The following DDHD1 variants were observed in gnomAD, a reference collection of about 807,000 sequenced individuals.
DDHD1 encodes phospholipase DDHD1.
DDHD1 carries 49 observed loss-of-function variants against 96.4 expected under a neutral mutation model. That is an observed-to-expected ratio of 0.51 (90% CI 0.40 to 0.64). DDHD1 has a LOEUF of 0.64. Ranked by LOEUF, DDHD1 falls within the 30% of genes least tolerant of loss-of-function variation. The pLI, the probability that DDHD1 is intolerant of heterozygous loss-of-function variation, is 0.00. For synonymous variants in DDHD1, 442 were observed against 446.5 expected, an observed-to-expected ratio of 0.99 and a Z score of 0.13; for missense variants, 1,106 against 1,161.2, an observed-to-expected ratio of 0.95 and a Z score of 0.69.
At chr14:53,112,724 G>A (rs934996958) in intron 1 of DDHD1, among the ~76,000 whole-genome samples, 1 of 152,142 alleles carries the variant, frequency 6.6e-6, no homozygotes, top group Admixed American at 6.5e-5. Context: ...ATGTGGAATA[G>A]TCTTTACAGC....
chr14:53,140,362 C>G (rs562905408), intron 1 of DDHD1, among the ~76,000 whole-genome samples: 1 of 152,058 alleles, frequency 6.6e-6, no homozygotes. Flanking sequence ...GGTGGAACCC[C>G]GTCTCTACTA....
Position 53,045,364 on chromosome 14 carries a change from G to T in DDHD1, c.*1404C>A, listed in dbSNP as rs921571402. On this transcript the variant is annotated 3_prime_UTR_variant, in exon 13 of 13. Transcript: ENST00000673822. Reference sequence around the variant, plus strand: ...AGCCTCTTGAGTAGCTGGGACTACAGGTGTACACCACTACAAGTGGCTAAT... The same window carrying T: ...AGCCTCTTGAGTAGCTGGGACTACATGTGTACACCACTACAAGTGGCTAAT... 1 of 152,284 alleles carries T rather than the reference G, an allele frequency of 6.6e-6. No homozygotes were observed. The highest frequency in any genetic ancestry group is 2.4e-5 in the African/African-American group (1 of 41,404). The allele number at this position is 152,284 out of a possible 1,614,324, so 9.4% of individuals were successfully genotyped here. A position where few individuals can be genotyped will look rare whatever the true frequency, so the allele number is the denominator to read the frequency against.
At chr14:53,070,026 A>C (rs1014151171) in intron 6 of DDHD1, among the ~76,000 whole-genome samples, 1 of 152,146 alleles carries the variant, frequency 6.6e-6, no homozygotes, top group Non-Finnish European at 1.5e-5. Context: ...TCCACATATA[A>C]GAGCATTACA....
In DDHD1 at chr14:53,051,844, C is replaced by A; in HGVS notation, c.2521G>T (p.Val841Leu). The A allele has an allele frequency of 6.3e-7, 1 of 1,588,338 alleles. No individual in the cohort carries two copies. Among genetic ancestry groups the A allele is most frequent in the Non-Finnish European group, 8.6e-7 (1 of 1,164,578 alleles). ...NVMQNKDNAL[V>L]ELDHRIDFEL... ...ATGCTATTCCTGACATATACCATAC[C>A]GAGGGCATTATCTTTATTCTGCATT... Residue 841 changes from valine to leucine, a missense_variant and splice_region_variant, in exon 12 of 13, where the codon GTG becomes TTG. Val to Leu is a conservative substitution (Grantham distance 32, BLOSUM62 1). Around this residue, in one of 2 missense-constraint regions of DDHD1, gnomAD observed 650 missense variants for 758.8 expected, o/e 0.86. Transcript: ENST00000673822.
chr14:53,095,730 A>G (rs1165017256), intron 2 of DDHD1, among the ~76,000 whole-genome samples: 1 of 152,198 alleles, frequency 6.6e-6, no homozygotes, highest in Non-Finnish European at 1.5e-5. Context: ...TTCTAATTAC[A>G]TATCTGATCC....
intron 2 of DDHD1, among the ~76,000 whole-genome samples, chr14:53,102,500 T>C (rs1887379537): frequency 6.6e-6 from 1 of 152,090 alleles, no homozygotes; most frequent in Non-Finnish European, 1.5e-5. Context: ...TATTATTATA[T>C]AAATTTGTTA....
At chr14:53,136,225 T>G (rs2139860622) in intron 1 of DDHD1, among the ~76,000 whole-genome samples, 1 of 152,276 alleles carries the variant, frequency 6.6e-6, no homozygotes, top group Non-Finnish European at 1.5e-5. Flanking sequence ...CTTTGCTGAC[T>G]CTCTTTTCGG....
intron 12 of DDHD1, 84 bp downstream of exon 12, chr14:53,051,760 T>A: frequency 9.1e-7 from 1 of 1,103,162 alleles, no homozygotes. Context: ...ATAGAAGAAC[T>A]GATCCAATTT....
At chr14:53,096,490 A>G (rs997278671) in intron 2 of DDHD1, among the ~76,000 whole-genome samples, 1 of 152,096 alleles carries the variant, frequency 6.6e-6, no homozygotes, top group African/African-American at 2.4e-5. Context: ...CATAGAAAGA[A>G]TTTTTAAAAA....
chr14:53,102,949 T>C, intron 2 of DDHD1: 3 of 1,358,496 alleles, frequency 2.2e-6, no homozygotes, highest in Non-Finnish European at 3.1e-6. Flanking sequence ...AAATAAAGAC[T>C]AGCATGGATG....
At chr14:53,093,820 A>C (rs1886645854) in intron 2 of DDHD1, 1 of 165,928 alleles carries the variant, frequency 6.0e-6, no homozygotes, top group Non-Finnish European at 1.3e-5. Flanking sequence ...TAGCTTTGAC[A>C]GAGCAACTTA....
At position 53,134,290 on chromosome 14, in the gene DDHD1, C is replaced by T. The variant is rs192863999; in HGVS notation, c.838+17971G>A. On this transcript the variant is annotated intron_variant, in intron 1 of 12. Coordinates refer to ENST00000673822, the MANE Select transcript of DDHD1 (RefSeq NM_001160148.2). ...ACACTTTTCCTCCAAACCATCATAG[C>T]GGATATCTCCTGGTACTATCCCCAA... 3.1e-4 allele frequency among the ~76,000 whole-genome samples: 47 copies of T among 152,244 alleles called. 2 individuals carry two copies. Among genetic ancestry groups the T allele is most frequent in the African/African-American group, 1.1e-3 (45 of 41,544 alleles).
chr14:53,081,216 A>G (rs1885441730), intron 4 of DDHD1, among the ~76,000 whole-genome samples: 1 of 152,270 alleles, frequency 6.6e-6, no homozygotes, highest in Non-Finnish European at 1.5e-5. Context: ...CACAAAGTCT[A>G]AAAGTTCCTT....
chr14:53,113,943 T>A (rs996625551), intron 1 of DDHD1, among the ~76,000 whole-genome samples: 16 of 152,138 alleles, frequency 1.1e-4, no homozygotes, highest in Admixed American at 1.0e-3. Context: ...CCCACTCCCA[T>A]GGAGCCCAGC....
chr14:53,148,611 C>T (rs1249031717), intron 1 of DDHD1, among the ~76,000 whole-genome samples: 1 of 152,208 alleles, frequency 6.6e-6, no homozygotes, highest in South Asian at 2.1e-4. Context: ...CCACGCCTGG[C>T]CTAGAATTGC....
chr14:53,093,295 C>A, intron 3 of DDHD1, 21 bp downstream of exon 3: 1 of 1,597,938 alleles, frequency 6.3e-7, no homozygotes, highest in South Asian at 1.2e-5. Context: ...TTGATAAGCT[C>A]TAGTAATATT....
intron 1 of DDHD1, among the ~76,000 whole-genome samples, chr14:53,147,398 A>T: frequency 6.6e-6 from 1 of 152,188 alleles, no homozygotes; most frequent in African/African-American, 2.4e-5. Flanking sequence ...AACCACACTG[A>T]TTGCTCTAAG....
rs1456874230 is a variant in DDHD1, at chr14:53,040,028, G to C, written c.*6740C>G. 1 of 152,146 alleles carries C rather than the reference G, an allele frequency of 6.6e-6. No homozygotes were observed. The highest frequency in any genetic ancestry group is 2.4e-5 in the African/African-American group (1 of 41,414). The allele number at this position is 152,146 out of a possible 1,614,324, so 9.4% of individuals were successfully genotyped here. ...CAGCACCACCTCACGGAATTGCACT[G>C]AAATTCCTAGACTGTTAAAAAAACA... On this transcript the variant is annotated 3_prime_UTR_variant, in exon 13 of 13. Transcript: ENST00000673822.
chr14:53,137,843 A>G (rs1890348127), intron 1 of DDHD1, among the ~76,000 whole-genome samples: 1 of 152,160 alleles, frequency 6.6e-6, no homozygotes. Context: ...AATCACAGGA[A>G]GACACATCAT....
Sources: gnomAD v4.1 joint callset for allele counts (sites outside exome capture counted in the v4.1 genomes callset) on GRCh38, gnomAD v4.1.1 for gene constraint, gnomAD v4.1.1 regional missense constraint, MANE v1.5 for transcripts, NCBI Gene and HGNC (gene_info 2026-07-23, HGNC 2026-07-21) for gene names.